NKAIN3: variants seen among roughly 807,000 people sequenced by gnomAD.
NKAIN3 encodes sodium/potassium-transporting ATPase subunit beta-1-interacting protein 3.
Under a neutral mutation model 30.2 loss-of-function variants are expected in NKAIN3, and 25 were observed. That is an observed-to-expected ratio of 0.83 (90% CI 0.60 to 1.16). The LOEUF is 1.16. Ranked by LOEUF, NKAIN3 falls within the 50% of genes most tolerant of loss-of-function variation. NKAIN3 has a pLI of 0.00. For synonymous variants in NKAIN3, 91 were observed against 89.6 expected (o/e 1.02, Z -0.09); for missense variants, 225 against 254.1 (o/e 0.89, Z 0.78).
At chr8:62,487,803 A>G (rs1806947994) in intron 1 of NKAIN3, among the ~76,000 whole-genome samples, 1 of 152,166 alleles carries the variant, frequency 6.6e-6, no homozygotes, top group South Asian at 2.1e-4. Context: ...GTCCATTGTC[A>G]TTCTTTCTAA....
chr8:62,493,764 C>T (rs1395639010), intron 1 of NKAIN3, among the ~76,000 whole-genome samples: 1 of 152,024 alleles, frequency 6.6e-6, no homozygotes, highest in African/African-American at 2.4e-5. Context: ...AGCTGTACTC[C>T]TAGGTATTTT....
At chr8:62,813,374 G>C (rs1818555808) in intron 4 of NKAIN3, among the ~76,000 whole-genome samples, 2 of 151,474 alleles carry the variant, frequency 1.3e-5, no homozygotes, top group Admixed American at 1.3e-4. Context: ...TTTTATCTCT[G>C]TGAAAAAGTC....
At chr8:62,337,497 TG>T (rs1162731046) in intron 1 of NKAIN3, among the ~76,000 whole-genome samples, 14 of 151,862 alleles carry the variant, frequency 9.2e-5, no homozygotes, top group Non-Finnish European at 1.8e-4. Context: ...AGGAGTGTCA[TG>T]AATTTGAATA....
At chr8:62,828,418 C>T (rs969767756) in intron 4 of NKAIN3, among the ~76,000 whole-genome samples, 2 of 151,720 alleles carry the variant, frequency 1.3e-5, no homozygotes, top group Admixed American at 6.6e-5. Context: ...TGATAATATA[C>T]AAAAAAAGAA....
intron 1 of NKAIN3, among the ~76,000 whole-genome samples, chr8:62,544,785 T>C (rs1407226617): frequency 6.6e-6 from 1 of 152,164 alleles, no homozygotes; most frequent in Non-Finnish European, 1.5e-5. Flanking sequence ...CATATAACTT[T>C]TGACTCTCCT....
chr8:62,832,396 A>G (rs1226650293), intron 4 of NKAIN3, among the ~76,000 whole-genome samples: 1 of 151,894 alleles, frequency 6.6e-6, no homozygotes, highest in East Asian at 1.9e-4. Flanking sequence ...AAAACCTCAC[A>G]TATCAATATT....
chr8:62,387,675 G>A (rs1295806940), intron 1 of NKAIN3, among the ~76,000 whole-genome samples: 1 of 152,128 alleles, frequency 6.6e-6, no homozygotes, highest in Non-Finnish European at 1.5e-5. Flanking sequence ...CCCCCAAGTT[G>A]GTACATATTT....
intron 4 of NKAIN3, among the ~76,000 whole-genome samples, chr8:62,805,971 C>A (rs1818265937): frequency 6.6e-6 from 1 of 152,124 alleles, no homozygotes; most frequent in Non-Finnish European, 1.5e-5. Context: ...AAACAAACAA[C>A]CCCATCGAAA....
At chr8:62,256,857 A>G (rs1488864982) in intron 1 of NKAIN3, among the ~76,000 whole-genome samples, 2 of 152,310 alleles carry the variant, frequency 1.3e-5, no homozygotes, top group Middle Eastern at 3.4e-3. Context: ...CTTGAAGTAA[A>G]TGGTTTCAAC....
At chr8:62,538,310 G>A (rs928513064) in intron 1 of NKAIN3, among the ~76,000 whole-genome samples, 1 of 151,964 alleles carries the variant, frequency 6.6e-6, no homozygotes, top group Admixed American at 6.6e-5. Context: ...GAGTAGCAAG[G>A]ACCATAGGCA....
At chr8:62,634,578 T>A (rs1812067356) in intron 3 of NKAIN3, among the ~76,000 whole-genome samples, 1 of 152,318 alleles carries the variant, frequency 6.6e-6, no homozygotes, top group East Asian at 1.9e-4. Context: ...TAGACAACTG[T>A]TATTCTCAGA....
intron 1 of NKAIN3, among the ~76,000 whole-genome samples, chr8:62,435,947 G>C (rs961686953): frequency 6.6e-6 from 1 of 151,992 alleles, no homozygotes; most frequent in Admixed American, 6.6e-5. Flanking sequence ...TACACAGTAT[G>C]CCTTTATATG....
intron 1 of NKAIN3, among the ~76,000 whole-genome samples, chr8:62,408,924 T>C (rs935374118): frequency 6.6e-5 from 10 of 152,178 alleles, no homozygotes; most frequent in African/African-American, 2.4e-4. Context: ...GGAGATGTAG[T>C]GTTTATTTTG....
chr8:62,867,648 G>T (rs1006752782), intron 4 of NKAIN3, among the ~76,000 whole-genome samples: 3 of 152,202 alleles, frequency 2.0e-5, no homozygotes, highest in African/African-American at 7.2e-5. Context: ...CTCAGAGGAT[G>T]GGAATAGTGA....
chr8:62,917,304 C>A (rs1166089219), intron 4 of NKAIN3, among the ~76,000 whole-genome samples: 4 of 152,194 alleles, frequency 2.6e-5, no homozygotes, highest in Non-Finnish European at 5.9e-5. Flanking sequence ...ATGTTAAGCT[C>A]CCCAAGTGCT....
At chr8:62,681,516 T>C (rs1480647358) in intron 3 of NKAIN3, among the ~76,000 whole-genome samples, 1 of 152,190 alleles carries the variant, frequency 6.6e-6, no homozygotes, top group Non-Finnish European at 1.5e-5. Flanking sequence ...AGTAAAACTA[T>C]TCTGGAGTGG....
At chr8:62,774,420 T>C (rs1489998066) in intron 4 of NKAIN3, among the ~76,000 whole-genome samples, 1 of 152,190 alleles carries the variant, frequency 6.6e-6, no homozygotes, top group African/African-American at 2.4e-5. Flanking sequence ...CTGATTGCTC[T>C]AGCTGGGACT....
At chr8:62,411,566 A>G (rs1273526551) in intron 1 of NKAIN3, among the ~76,000 whole-genome samples, 1 of 152,202 alleles carries the variant, frequency 6.6e-6, no homozygotes, top group Non-Finnish European at 1.5e-5. Context: ...GCAACCAGAC[A>G]AGAGAAAGAA....
rs1823874796 is a variant in NKAIN3, at chr8:62,973,368, T to C, written c.*7961T>C. 1.3e-5 allele frequency among the ~76,000 whole-genome samples: 2 copies of C among 152,176 alleles called. No homozygotes were observed. The highest frequency in any genetic ancestry group is 4.1e-4 in the South Asian group (2 of 4,828). Reference sequence around the variant, plus strand: ...TTTTAATGATCGCCATTCTAACTGGTGTGAGGTGGTATCTCATTGTCGTTT... The same window carrying C: ...TTTTAATGATCGCCATTCTAACTGGCGTGAGGTGGTATCTCATTGTCGTTT... On this transcript the variant is annotated 3_prime_UTR_variant, in exon 7 of 7. Transcript: ENST00000623646.
Sources: gnomAD v4.1 joint callset for allele counts (sites outside exome capture counted in the v4.1 genomes callset) on GRCh38, gnomAD v4.1.1 for gene constraint, MANE v1.5 for transcripts, NCBI Gene and HGNC (gene_info 2026-07-23, HGNC 2026-07-21) for gene names.